Variants in STK32A observed in about 807,000 individuals in gnomAD.
STK32A encodes serine/threonine-protein kinase 32A.
Under a neutral mutation model 53.2 loss-of-function variants are expected in STK32A, and 41 were observed. The ratio of observed to expected loss-of-function variants is 0.77; its 90% CI spans 0.60 to 1.00. The LOEUF (loss-of-function observed/expected upper bound fraction) is 1.00. STK32A is among the 50% of genes least tolerant of loss of function. The pLI is 0.00. For synonymous variants in STK32A, 166 were observed against 162.8 expected, an observed-to-expected ratio of 1.02 and a Z score of -0.15; for missense variants, 458 against 485.8, an observed-to-expected ratio of 0.94 and a Z score of 0.54.
chr5:147,248,227 T>C (rs922893880), intron 2 of STK32A, among the ~76,000 whole-genome samples: 1 of 152,160 alleles, frequency 6.6e-6, no homozygotes, highest in Admixed American at 6.5e-5. Context: ...TGCTGACTCC[T>C]GCTCTAAGCA....
chr5:147,243,970 C>T (rs973937198), intron 2 of STK32A, among the ~76,000 whole-genome samples: 3 of 152,090 alleles, frequency 2.0e-5, no homozygotes, highest in African/African-American at 7.2e-5. Flanking sequence ...ACAACCATCA[C>T]CACTACCCAT....
chr5:147,242,526 G>A (rs957763197), intron 2 of STK32A, among the ~76,000 whole-genome samples: 4 of 152,332 alleles, frequency 2.6e-5, no homozygotes, highest in Non-Finnish European at 4.4e-5. Context: ...ACTTTAGATA[G>A]GGTGGCTGCG....
At chr5:147,242,776 A>T (rs1003452804) in intron 2 of STK32A, among the ~76,000 whole-genome samples, 3 of 152,202 alleles carry the variant, frequency 2.0e-5, no homozygotes, top group African/African-American at 7.2e-5. Flanking sequence ...GATTGATTTG[A>T]GGAGAAAAAG....
intron 2 of STK32A, among the ~76,000 whole-genome samples, chr5:147,272,257 A>G (rs1355726255): frequency 6.6e-6 from 1 of 152,146 alleles, no homozygotes; most frequent in African/African-American, 2.4e-5. Context: ...TTGTATTTTT[A>G]GTAGAGACTG....
chr5:147,383,412 T>C, intron 11 of STK32A, 29 bp from the exon 12 acceptor site: 1 of 1,564,094 alleles, frequency 6.4e-7, no homozygotes, highest in Non-Finnish European at 8.7e-7. Context: ...TAACTATACC[T>C]CTATTTTTTT....
At chr5:147,261,834 T>A (rs1306379760) in intron 2 of STK32A, among the ~76,000 whole-genome samples, 1 of 152,170 alleles carries the variant, frequency 6.6e-6, no homozygotes, top group Admixed American at 6.5e-5. Flanking sequence ...TTTGAATTAT[T>A]TTTTCTCTTT....
chr5:147,337,801 A>C (rs766777386), intron 5 of STK32A, among the ~76,000 whole-genome samples: 1 of 152,180 alleles, frequency 6.6e-6, no homozygotes, highest in Non-Finnish European at 1.5e-5. Context: ...TTTGATGTAT[A>C]AAGAAAAAGT....
intron 12 of STK32A, 42 bp from the exon 13 acceptor site, chr5:147,383,848 T>C: frequency 7.3e-7 from 1 of 1,369,344 alleles, no homozygotes; most frequent in Non-Finnish European, 1.0e-6. Flanking sequence ...TCATTTTATT[T>C]TTCAAAGAAT....
intron 5 of STK32A, among the ~76,000 whole-genome samples, chr5:147,324,658 T>C (rs1157880659): frequency 6.6e-6 from 1 of 152,190 alleles, no homozygotes; most frequent in African/African-American, 2.4e-5. Context: ...TAAAGAAATT[T>C]GTAGTTTCAA....
intron 8 of STK32A, among the ~76,000 whole-genome samples, chr5:147,367,142 T>C (rs540684089): frequency 6.6e-6 from 1 of 152,036 alleles, no homozygotes; most frequent in East Asian, 1.9e-4. Context: ...CTCGGCTCAC[T>C]GCAACCACCC....
chr5:147,369,912 G>A (rs1288959737), intron 8 of STK32A, among the ~76,000 whole-genome samples: 1 of 152,164 alleles, frequency 6.6e-6, no homozygotes, highest in Admixed American at 6.5e-5. Context: ...TTCAGTGTTG[G>A]TGAGTCCCCT....
intron 4 of STK32A, among the ~76,000 whole-genome samples, chr5:147,291,373 T>C (rs925374163): frequency 1.3e-5 from 2 of 151,972 alleles, no homozygotes; most frequent in African/African-American, 4.8e-5. Flanking sequence ...AGAAGCAAAA[T>C]TGGGATGGCA....
chr5:147,257,286 G>A (rs1754279402), intron 2 of STK32A, among the ~76,000 whole-genome samples: 1 of 151,996 alleles, frequency 6.6e-6, no homozygotes, highest in Non-Finnish European at 1.5e-5. Context: ...TGACATTGGG[G>A]TCTTTATTGA....
At chr5:147,361,916 G>A (rs991022860) in intron 8 of STK32A, among the ~76,000 whole-genome samples, 1 of 152,164 alleles carries the variant, frequency 6.6e-6, no homozygotes, top group African/African-American at 2.4e-5. Context: ...GTAAATATCT[G>A]TGTTTGTTTA....
At chr5:147,293,184 T>C (rs1448903471) in intron 4 of STK32A, among the ~76,000 whole-genome samples, 2 of 152,048 alleles carry the variant, frequency 1.3e-5, no homozygotes, top group Non-Finnish European at 2.9e-5. Context: ...CAGTCTTAGT[T>C]AAAGACACAA....
chr5:147,395,387 G>A, the STK32A span, among the ~76,000 whole-genome samples: 3 of 152,138 alleles, frequency 2.0e-5, no homozygotes, highest in Non-Finnish European at 2.9e-5. Flanking sequence ...AGGACCCCTT[G>A]TCAATTCAGG....
chr5:147,310,687 T>C (rs1753649780), intron 4 of STK32A, among the ~76,000 whole-genome samples: 1 of 152,252 alleles, frequency 6.6e-6, no homozygotes, highest in African/African-American at 2.4e-5. Flanking sequence ...CTTTCCTGGA[T>C]GCTTGATGAA....
Position 147,384,439 on chromosome 5 carries a change from T to C in STK32A, c.*456T>C. 1.3e-6 allele frequency: 2 copies of C among 1,533,870 alleles called. No homozygotes were observed. The highest frequency in any genetic ancestry group is 2.0e-5 in the Admixed American group (1 of 50,930). ...TTCAGACCTCGAAAGTTTCATAAAG[T>C]GGTCAGAATGCCCCAGGCTACTTGG... On this transcript the variant is annotated 3_prime_UTR_variant, in exon 13 of 13. Coordinates refer to ENST00000397936, the MANE Select transcript of STK32A (RefSeq NM_001112724.2).
At chr5:147,295,094 A>G (rs1752806528) in intron 4 of STK32A, among the ~76,000 whole-genome samples, 1 of 152,226 alleles carries the variant, frequency 6.6e-6, no homozygotes, top group South Asian at 2.1e-4. Flanking sequence ...CAGTATTTAT[A>G]GATGAAAACC....
Sources: gnomAD v4.1 joint callset for allele counts (sites outside exome capture counted in the v4.1 genomes callset) on GRCh38, gnomAD v4.1.1 for gene constraint, MANE v1.5 for transcripts, NCBI Gene and HGNC (gene_info 2026-07-23, HGNC 2026-07-21) for gene names.